PALM2AKAP2: variants seen among roughly 807,000 people sequenced by gnomAD.
PALM2AKAP2 encodes PALM2 and AKAP2 fusion, also known as PALM2-AKAP2 fusion protein.
Under a neutral mutation model 71.5 loss-of-function variants are expected in PALM2AKAP2, and 37 were observed. That is an observed-to-expected ratio of 0.52 (90% confidence interval 0.40 to 0.68). The LOEUF (loss-of-function observed/expected upper bound fraction) is 0.68. Among genes scored for constraint, PALM2AKAP2 ranks in the 30% least tolerant of loss-of-function variants. PALM2AKAP2 has a pLI of 0.00. For missense variants in PALM2AKAP2, 1,224 were observed against 1,191.8 expected (o/e 1.03, Z -0.40); for synonymous variants, 468 against 478.8 (o/e 0.98, Z 0.29).
At chr9:109,817,769 T>C (rs1266528882) in intron 1 of PALM2AKAP2, among the ~76,000 whole-genome samples, 3 of 152,206 alleles carry the variant, frequency 2.0e-5, no homozygotes, top group Non-Finnish European at 4.4e-5. Context: ...TTATTTACGC[T>C]TGGAAACAGG....
chr9:109,927,865 G>A (rs1243857269), intron 5 of PALM2AKAP2, among the ~76,000 whole-genome samples: 2 of 152,126 alleles, frequency 1.3e-5, no homozygotes, highest in African/African-American at 4.8e-5. Flanking sequence ...GTATATATCT[G>A]GTGCTAATTC....
chr9:110,015,340 C>T (rs1410225009), intron 6 of PALM2AKAP2, among the ~76,000 whole-genome samples: 1 of 152,188 alleles, frequency 6.6e-6, no homozygotes. Context: ...GTGGCTTACA[C>T]CTGTAATCCC....
rs183707789 is a variant in PALM2AKAP2 at position 109,836,542 on chromosome 9, G to T, written c.46-30949G>T. On this transcript the variant is annotated intron_variant, in intron 1 of 9. Transcript: ENST00000302798. The stretch of plus-strand genomic sequence containing the variant: ...AAGCTGGACAGAGAATGACTTTGAT[G>T]AGTTGAGAGAAGAAGGCTTCAGATG... 2.6e-3 allele frequency among the ~76,000 whole-genome samples: 391 copies of T among 152,364 alleles called. 4 individuals are homozygous for T. Among genetic ancestry groups the T allele is most frequent in the African/African-American group, 8.8e-3 (366 of 41,580 alleles).
chr9:110,091,765 A>G (rs1433812214), intron 1 of PALM2AKAP2, among the ~76,000 whole-genome samples: 1 of 151,992 alleles, frequency 6.6e-6, no homozygotes, highest in Admixed American at 6.6e-5. Flanking sequence ...CCCAGCCAAG[A>G]TTTATTTATT....
chr9:110,012,571 T>C (rs991838918), intron 6 of PALM2AKAP2, among the ~76,000 whole-genome samples: 67 of 152,350 alleles, frequency 4.4e-4, no homozygotes, highest in Middle Eastern at 3.4e-3. Flanking sequence ...ATCATCAGGA[T>C]TAATCACATT....
intron 7 of PALM2AKAP2, among the ~76,000 whole-genome samples, chr9:110,021,306 A>G (rs1833070153): frequency 6.6e-6 from 1 of 152,190 alleles, no homozygotes; most frequent in Non-Finnish European, 1.5e-5. Context: ...TAGAAGAGGC[A>G]AGGAAGGAGT....
At chr9:109,807,559 C>CT (rs11398626) in intron 1 of PALM2AKAP2, among the ~76,000 whole-genome samples, 38,796 of 140,374 alleles carry the variant, frequency 0.28, 5,200 homozygotes, top group South Asian at 0.37. Context: ...TCTCTGGGAC[C>CT]TTTTTTTTTT....
At chr9:109,758,551 T>A (rs1481938079) in intron 1 of PALM2AKAP2, among the ~76,000 whole-genome samples, 2 of 148,190 alleles carry the variant, frequency 1.3e-5, no homozygotes, top group African/African-American at 5.0e-5. Context: ...TGTGTGTGTG[T>A]GTCAATGTAA....
chr9:109,984,048 G>A (rs931307255), intron 6 of PALM2AKAP2, among the ~76,000 whole-genome samples: 1 of 152,160 alleles, frequency 6.6e-6, no homozygotes, highest in African/African-American at 2.4e-5. Flanking sequence ...CTGATGAGAT[G>A]CTAAAAACTT....
chr9:109,852,538 G>T (rs1829050568), intron 1 of PALM2AKAP2, among the ~76,000 whole-genome samples: 1 of 152,094 alleles, frequency 6.6e-6, no homozygotes, highest in African/African-American at 2.4e-5. Flanking sequence ...CTTATCCTTT[G>T]GGTATATATC....
intron 6 of PALM2AKAP2, among the ~76,000 whole-genome samples, chr9:110,009,452 C>T (rs995698844): frequency 1.3e-5 from 2 of 152,080 alleles, no homozygotes; most frequent in South Asian, 4.1e-4. Flanking sequence ...CGGTGGCTCA[C>T]ACCTGTAATC....
intron 6 of PALM2AKAP2, among the ~76,000 whole-genome samples, chr9:109,997,047 G>A (rs1428475433): frequency 6.6e-6 from 1 of 151,994 alleles, no homozygotes; most frequent in East Asian, 1.9e-4. Flanking sequence ...AATTTAACTG[G>A]GCGTGGTGGC....
intron 1 of PALM2AKAP2, among the ~76,000 whole-genome samples, chr9:109,758,868 C>T (rs1214296241): frequency 6.6e-6 from 1 of 152,050 alleles, no homozygotes; most frequent in Non-Finnish European, 1.5e-5. Flanking sequence ...TTAATTGACT[C>T]ATGATAGTTG....
At chr9:109,974,916 A>G (rs981694371) in intron 6 of PALM2AKAP2, among the ~76,000 whole-genome samples, 1 of 152,214 alleles carries the variant, frequency 6.6e-6, no homozygotes, top group South Asian at 2.1e-4. Flanking sequence ...CATATGTCCC[A>G]TAGGGGAGCC....
chr9:109,918,971 C>T lies in PALM2AKAP2; in HGVS notation c.258-4764C>T, dbSNP rs112805341. 2.4e-3 allele frequency among the ~76,000 whole-genome samples: 367 copies of T among 152,260 alleles called. 1 individual carries two copies. Among genetic ancestry groups the T allele is most frequent in the African/African-American group, 8.2e-3 (342 of 41,544 alleles). On this transcript the variant is annotated intron_variant, in intron 3 of 9. Coordinates refer to the PALM2AKAP2 transcript ENST00000302798. ...AATCTTTAGCACCTGAACCATATAG[C>T]GCAGAGCCTTGAAACCCATAGGGCC... is the stretch of plus-strand genomic sequence containing the variant.
In PALM2AKAP2 at chr9:110,168,387, C is replaced by G. The variant is rs780455259; in HGVS notation, c.2749-12C>G. 10 of 1,610,472 alleles carry G rather than the reference C, an allele frequency of 6.2e-6. No homozygotes were observed. The highest frequency in any genetic ancestry group is 7.6e-6 in the Non-Finnish European group (9 of 1,179,044). On this transcript the variant is annotated splice_polypyrimidine_tract_variant and intron_variant, in intron 3 of 3. Coordinates refer to ENST00000374525, the Ensembl canonical transcript of PALM2AKAP2. ...CATGAACTCTGCATAATTTTTTCCCCTCTCTTTACAGGTCCTCGAGGCCAC... is the reference window on the plus strand; with the variant it reads ...CATGAACTCTGCATAATTTTTTCCCGTCTCTTTACAGGTCCTCGAGGCCAC...
rs1163551501 is a variant in PALM2AKAP2, at chr9:109,691,907, C to T, written c.5+51041C>T. Among the ~76,000 whole-genome samples the T allele has an allele frequency of 4.6e-4, 32 of 69,844 alleles. 1 individual carries two copies. Among genetic ancestry groups the T allele is most frequent in the African/African-American group, 7.3e-4 (11 of 15,128 alleles). 45.8% of individuals were successfully genotyped at this position (69,844 alleles called of 152,430 possible). ...ATATATATATATATATATATACACACACACATATATATATATACACATATA... is the reference window on the plus strand; with the variant it reads ...ATATATATATATATATATATACACATACACATATATATATATACACATATA... On this transcript the variant is annotated intron_variant, in intron 1 of 6. Coordinates refer to the PALM2AKAP2 transcript ENST00000374531.
intron 1 of PALM2AKAP2, among the ~76,000 whole-genome samples, chr9:110,076,806 T>A (rs1233079855): frequency 1.3e-5 from 2 of 152,110 alleles, no homozygotes; most frequent in Non-Finnish European, 2.9e-5. Context: ...TTTTATGGGT[T>A]ACTTATTCAT....
At chr9:110,102,140 G>C (rs956622462) in intron 1 of PALM2AKAP2, among the ~76,000 whole-genome samples, 5 of 152,202 alleles carry the variant, frequency 3.3e-5, no homozygotes, top group African/African-American at 1.2e-4. Context: ...TTTGATCTTG[G>C]TTTGATCTTG....
Sources: gnomAD v4.1 joint callset for allele counts (sites outside exome capture counted in the v4.1 genomes callset) on GRCh38, gnomAD v4.1.1 for gene constraint, MANE v1.5 for transcripts, NCBI Gene and HGNC (gene_info 2026-07-23, HGNC 2026-07-21) for gene names.